Variants in NR1I2 observed in about 807,000 individuals in gnomAD.
NR1I2 encodes nuclear receptor subfamily 1 group I member 2, also known as orphan nuclear receptor PAR1.
In NR1I2, 42 loss-of-function variants were observed where a neutral mutation model predicts 43.3. The ratio of observed to expected loss-of-function variants is 0.97; its 90% CI spans 0.76 to 1.26. The LOEUF is 1.26. Among genes scored for constraint, NR1I2 ranks in the 50% most tolerant of loss-of-function variants. The pLI, the probability that NR1I2 is intolerant of heterozygous loss-of-function variation, is 0.00. For synonymous variants in NR1I2, 229 were observed against 215.0 expected, an observed-to-expected ratio of 1.06 and a Z score of -0.57; for missense variants, 559 against 566.7, an observed-to-expected ratio of 0.99 and a Z score of 0.14.
chr3:119,785,369 G>T (rs1430701640), intron 1 of NR1I2, among the ~76,000 whole-genome samples: 3 of 152,174 alleles, frequency 2.0e-5, no homozygotes, highest in Non-Finnish European at 2.9e-5. Context: ...AACTAACTGG[G>T]ACCACCATAA....
At chr3:119,805,509 C>T (rs887386477) in intron 1 of NR1I2, among the ~76,000 whole-genome samples, 1 of 152,036 alleles carries the variant, frequency 6.6e-6, no homozygotes, top group African/African-American at 2.4e-5. Context: ...TTGAGAACAG[C>T]CTGACCAACA....
intron 1 of NR1I2, chr3:119,792,070 A>G: frequency 1.3e-5 from 10 of 743,908 alleles, no homozygotes; most frequent in Non-Finnish European, 2.2e-5. Context: ...GGTAGCAAAG[A>G]TTTACAGAAT....
chr3:119,798,613 C>T (rs1296299495), intron 1 of NR1I2, among the ~76,000 whole-genome samples: 2 of 136,834 alleles, frequency 1.5e-5, no homozygotes, highest in African/African-American at 2.9e-5. Flanking sequence ...GCACTCCAGC[C>T]TGGGCGACAA....
chr3:119,802,487 T>C (rs964977336), intron 1 of NR1I2, among the ~76,000 whole-genome samples: 2 of 152,218 alleles, frequency 1.3e-5, no homozygotes, highest in Admixed American at 6.5e-5. Flanking sequence ...TTTATATTTA[T>C]TGCGAGAAAG....
intron 1 of NR1I2, among the ~76,000 whole-genome samples, chr3:119,804,936 A>G (rs1300547228): frequency 6.6e-6 from 1 of 152,190 alleles, no homozygotes; most frequent in Non-Finnish European, 1.5e-5. Context: ...ACACTTTACT[A>G]ATCAAAATCT....
chr3:119,814,655 G>A (rs547844865), intron 5 of NR1I2, among the ~76,000 whole-genome samples: 2 of 152,324 alleles, frequency 1.3e-5, no homozygotes, highest in East Asian at 3.9e-4. Flanking sequence ...GGGACCAGAA[G>A]CCAAAGCACT....
chr3:119,810,297 T>C (rs1045609461), intron 3 of NR1I2, 103 bp downstream of exon 3: 6 of 1,479,682 alleles, frequency 4.1e-6, no homozygotes, highest in African/African-American at 1.4e-5. Flanking sequence ...GCGCCGAGTG[T>C]GCGCGTGAAC....
intron 1 of NR1I2, among the ~76,000 whole-genome samples, chr3:119,785,514 T>TA (rs1383756624): frequency 1.3e-5 from 2 of 152,232 alleles, no homozygotes; most frequent in Admixed American, 1.3e-4. Flanking sequence ...AGGCCTGGGA[T>TA]AGACCTGTCT....
intron 1 of NR1I2, among the ~76,000 whole-genome samples, chr3:119,788,477 G>A (rs186611252): frequency 6.6e-6 from 1 of 151,320 alleles, no homozygotes; most frequent in African/African-American, 2.4e-5. Flanking sequence ...TCATTCTCTT[G>A]CCCAGGCTGC....
In NR1I2 at chr3:119,817,370, C is replaced by A. The variant is rs577900161; in HGVS notation, c.*158C>A. On this transcript the variant is annotated 3_prime_UTR_variant, in exon 9 of 9. Transcript: ENST00000393716. ...CCTGCTATGACAGCTGGCTAGCATT[C>A]CTCAGGAAGGACATGGGTGCCCCCC... 18 of 1,512,454 alleles carry A rather than the reference C, an allele frequency of 1.2e-5. No homozygotes were observed. The highest frequency in any genetic ancestry group is 1.5e-5 in the Non-Finnish European group (17 of 1,133,614). The allele number at this position is 1,512,454 out of a possible 1,614,324, so 93.7% of individuals were successfully genotyped here.
intron 6 of NR1I2, 49 bp downstream of exon 6, chr3:119,815,170 G>A (rs1457993027): frequency 1.9e-6 from 3 of 1,613,078 alleles, no homozygotes; most frequent in East Asian, 4.5e-5. Context: ...AAACACTGCA[G>A]TTATGGGAGG....
intron 1 of NR1I2, among the ~76,000 whole-genome samples, chr3:119,790,491 T>C (rs2054903716): frequency 6.6e-6 from 1 of 152,268 alleles, no homozygotes; most frequent in Non-Finnish European, 1.5e-5. Context: ...TATTGTTATC[T>C]ATAATGGCTA....
At chr3:119,816,279 A>G (rs1322593042) in intron 8 of NR1I2, among the ~76,000 whole-genome samples, 1 of 152,110 alleles carries the variant, frequency 6.6e-6, no homozygotes, top group African/African-American at 2.4e-5. Context: ...CCTTCCTTGT[A>G]TGGAGGCAGG....
chr3:119,805,564 A>T (rs1014703198), intron 1 of NR1I2, among the ~76,000 whole-genome samples: 4 of 151,916 alleles, frequency 2.6e-5, no homozygotes, highest in Admixed American at 6.5e-5. Context: ...TTAGCTGGGC[A>T]TGGTCGTGGG....
intron 2 of NR1I2, among the ~76,000 whole-genome samples, chr3:119,807,846 G>A (rs71325402): frequency 0.018 from 2,712 of 152,270 alleles, 38 homozygotes; most frequent in Non-Finnish European, 0.027. Context: ...GGAGGGGAAG[G>A]GCGGGGAGGG....
In NR1I2 at chr3:119,817,523, G is replaced by T. The variant is rs1321545883; in HGVS notation, c.*311G>T. On this transcript the variant is annotated 3_prime_UTR_variant, in exon 9 of 9. Coordinates refer to ENST00000393716, the MANE Select transcript of NR1I2 (RefSeq NM_003889.4). ...TTTAAAAGGCCCTGTGGTCTGGGGA[G>T]AAATCCCTCAGATCCCACTAAAGTG... 8.0e-7 allele frequency: 1 copy of T among 1,245,096 alleles called. No individual in the cohort carries two copies. The highest frequency in any genetic ancestry group is 1.0e-6 in the Non-Finnish European group (1 of 979,036). 77.1% of individuals were successfully genotyped at this position (1,245,096 alleles called of 1,614,324 possible). A position where few individuals can be genotyped will look rare whatever the true frequency, so the allele number is the denominator to read the frequency against.
At position 119,798,941 on chromosome 3, in the gene NR1I2, C is replaced by T. The variant is rs117085553; in HGVS notation, c.-22-8288C>T. Among the ~76,000 whole-genome samples the T allele has an allele frequency of 5.3e-4, 80 of 152,276 alleles. No homozygotes were observed. The East Asian group carries it at 0.015, about 28-fold the overall frequency. Reference sequence around the variant, plus strand: ...GTGCATTCCACATTTTATTGATCCACGAACCGGTTGATGAATATGTGGGTC... The same window carrying T: ...GTGCATTCCACATTTTATTGATCCATGAACCGGTTGATGAATATGTGGGTC... On this transcript the variant is annotated intron_variant, in intron 1 of 8. Coordinates refer to ENST00000393716, the MANE Select transcript of NR1I2 (RefSeq NM_003889.4).
intron 1 of NR1I2, among the ~76,000 whole-genome samples, chr3:119,805,707 T>TC (rs1337823304): frequency 0.14 from 5,746 of 41,866 alleles, 466 homozygotes; most frequent in Middle Eastern, 0.27. Flanking sequence ...GGTCCCCCCC[T>TC]CCCCCCCACC....
intron 1 of NR1I2, among the ~76,000 whole-genome samples, chr3:119,795,116 G>T (rs1235439802): frequency 6.6e-6 from 1 of 152,192 alleles, no homozygotes; most frequent in African/African-American, 2.4e-5. Context: ...GTTGGCTCTT[G>T]GCTGGGGTTG....
Sources: gnomAD v4.1 joint callset for allele counts (sites outside exome capture counted in the v4.1 genomes callset) on GRCh38, gnomAD v4.1.1 for gene constraint, MANE v1.5 for transcripts, NCBI Gene and HGNC (gene_info 2026-07-23, HGNC 2026-07-21) for gene names.